The following ZDBF2 variants were observed in gnomAD, a reference collection of about 807,000 sequenced individuals.
ZDBF2 encodes zinc finger DBF-type containing 2, also known as DBF4-type zinc finger-containing protein 2.
In ZDBF2, 6 loss-of-function variants were observed where a neutral mutation model predicts 9.4. The observed-to-expected ratio is 0.64, with a 90% CI of 0.35 to 1.27. The LOEUF is 1.27. Among genes scored for constraint, ZDBF2 ranks in the 50% most tolerant of loss-of-function variants. The pLI is 0.03. For synonymous variants in ZDBF2, 905 were observed against 946.3 expected (o/e 0.96, Z 0.80); for missense variants, 2,697 against 2,766.8 (o/e 0.97, Z 0.57).
At chr2:206,294,416 T>A (rs1256515705) in intron 3 of ZDBF2, among the ~76,000 whole-genome samples, 1 of 152,254 alleles carries the variant, frequency 6.6e-6, no homozygotes, top group Non-Finnish European at 1.5e-5. Flanking sequence ...AATGAAGTTT[T>A]CTATTCACAT....
rs1436779283 is a variant in ZDBF2 at position 206,308,877 on chromosome 2, G to T, written c.4349G>T (p.Cys1450Phe). The T allele has an allele frequency of 3.1e-6, 5 of 1,612,902 alleles. No individual in the cohort carries two copies. Residue 1450 changes from cysteine (C) to phenylalanine (F), a missense_variant, in exon 5 of 5, where the codon TGT (cysteine) becomes TTT (phenylalanine). Physicochemically the swap from Cys to Phe is radical, Grantham distance 205. Transcript: ENST00000374423. The stretch of plus-strand genomic sequence containing the variant: ...CTAGAAAATAAGAACTGTGAAGTCT[G>T]TGGTTCTGAAATAAAATGTCATTCT... ...NDLENKNCEV[C>F]GSEIKCHSCV...
intron 3 of ZDBF2, among the ~76,000 whole-genome samples, chr2:206,293,031 G>C (rs1691979296): frequency 6.6e-6 from 1 of 152,048 alleles, no homozygotes; most frequent in African/African-American, 2.4e-5. Flanking sequence ...TAAGAACAAA[G>C]TGAATAGATG....
intron 3 of ZDBF2, among the ~76,000 whole-genome samples, chr2:206,289,624 C>T (rs945777063): frequency 1.7e-4 from 26 of 152,188 alleles, no homozygotes; most frequent in South Asian, 8.3e-4. Flanking sequence ...GAGCAAAACA[C>T]GTTTCAGCCA....
chr2:206,311,244 A>T lies in ZDBF2; in HGVS notation c.6716A>T (p.Gln2239Leu), dbSNP rs766091264. 3 of 1,610,846 alleles carry T rather than the reference A, an allele frequency of 1.9e-6. No homozygotes were observed. Among genetic ancestry groups the T allele is most frequent in the Non-Finnish European group, 1.7e-6 (2 of 1,178,572 alleles). ...KYSVFLRHRY[Q>L]SRSAFLGRYL... ...TCTGTCTTTTTACGTCATAGATATC[A>T]GTCCAGGAGCGCTTTTCTTGGAAGG... The change falls in exon 5 of 5, where the codon CAG (glutamine) becomes CTG (leucine). Residue 2239 changes from glutamine (Q) to leucine (L), a missense_variant. Around this residue, in one of 3 missense-constraint regions of ZDBF2, gnomAD observed 1,783 missense variants for 1,776.5 expected, o/e 1.00. Transcript: ENST00000374423.
Position 206,307,702 on chromosome 2 carries a change from A to T in ZDBF2, c.3174A>T (p.Leu1058=). 1 of 1,613,532 alleles carries T rather than the reference A, an allele frequency of 6.2e-7. No individual in the cohort carries two copies. Among genetic ancestry groups the T allele is most frequent in the Non-Finnish European group, 8.5e-7 (1 of 1,179,718 alleles). Residue 1058 remains leucine, a synonymous_variant, in exon 5 of 5, where the codon CTA becomes CTT. Coordinates refer to ENST00000374423, the MANE Select transcript of ZDBF2 (RefSeq NM_020923.3). ...AGTCAATGACTGACCAACCTCAACTAGCTTTTTTGAAGGAAAAACATGTTA... is the reference window on the plus strand; with the variant it reads ...AGTCAATGACTGACCAACCTCAACTTGCTTTTTTGAAGGAAAAACATGTTA... The part of the protein sequence containing the change: ...PPQSMTDQPQ[L]AFLKEKHVNL...
chr2:206,277,562 T>C (rs1691083978), intron 1 of ZDBF2, among the ~76,000 whole-genome samples: 1 of 152,014 alleles, frequency 6.6e-6, no homozygotes. Flanking sequence ...AGTACTTAAC[T>C]GGGTATGACA....
Position 206,311,653 on chromosome 2 carries a change from T to C in ZDBF2, c.*60T>C, listed in dbSNP as rs1693202618. The C allele has an allele frequency of 1.5e-6, 2 of 1,378,022 alleles. No homozygotes were observed. The highest frequency in any genetic ancestry group is 4.8e-5 in the South Asian group (2 of 42,038). The allele number at this position is 1,378,022 out of a possible 1,614,324, so 85.4% of individuals were successfully genotyped here. A position where few individuals can be genotyped will look rare whatever the true frequency, so the allele number is the denominator to read the frequency against. ...AGTACTTCAGTTGAAATATATTTGG[T>C]ACTTTGTGCACACAGCTTTCCCAGC... On this transcript the variant is annotated 3_prime_UTR_variant, in exon 5 of 5. Coordinates refer to ENST00000374423, the MANE Select transcript of ZDBF2 (RefSeq NM_020923.3).
In ZDBF2 at chr2:206,305,476, T is replaced by G. The variant is rs376801427; in HGVS notation, c.948T>G (p.Pro316=). 143 of 1,612,992 alleles carry G rather than the reference T, an allele frequency of 8.9e-5. No individual in the cohort carries two copies. In the African/African-American group the frequency reaches 1.6e-3, roughly 18 times the overall value. ...TAAACCCGAATAAAACTGACATGCC[T>G]TCTAATAAAGGAATCTTTGAAGATA... ...LAVNPNKTDM[P]SNKGIFEDTI... is the part of the protein sequence containing the mutation. Residue 316 remains proline, a synonymous_variant, in exon 5 of 5, where the codon CCT becomes CCG. Coordinates refer to ENST00000374423, the MANE Select transcript of ZDBF2 (RefSeq NM_020923.3).
chr2:206,278,091 C>T (rs1312608031), intron 1 of ZDBF2, among the ~76,000 whole-genome samples: 1 of 152,008 alleles, frequency 6.6e-6, no homozygotes, highest in Non-Finnish European at 1.5e-5. Context: ...TGTACTGTAC[C>T]TTCCCATTTT....
intron 3 of ZDBF2, among the ~76,000 whole-genome samples, chr2:206,292,301 CA>C (rs1392525320): frequency 6.6e-6 from 1 of 151,764 alleles, no homozygotes; most frequent in Non-Finnish European, 1.5e-5. Context: ...AATCTCTTAC[CA>C]AAATAGACTA....
At position 206,307,709 on chromosome 2, in the gene ZDBF2, T is replaced by C. The variant is rs1364570080; in HGVS notation, c.3181T>C (p.Leu1061=). Residue 1061 remains leucine, a synonymous_variant, in exon 5 of 5, where the codon TTG becomes CTG. Coordinates refer to ENST00000374423, the MANE Select transcript of ZDBF2 (RefSeq NM_020923.3). ...GACTGACCAACCTCAACTAGCTTTT[T>C]TGAAGGAAAAACATGTTAATCTGAA... ...SMTDQPQLAF[L]KEKHVNLKDK... is the part of the protein sequence containing the mutation. 3.1e-6 allele frequency: 5 copies of C among 1,613,538 alleles called. No homozygotes were observed. Among genetic ancestry groups the C allele is most frequent in the Non-Finnish European group, 4.2e-6 (5 of 1,179,734 alleles).
chr2:206,280,275 G>A (rs1477650112), intron 2 of ZDBF2, among the ~76,000 whole-genome samples: 2 of 152,228 alleles, frequency 1.3e-5, no homozygotes, highest in Non-Finnish European at 2.9e-5. Context: ...AGAGATGACG[G>A]AAGTGGCAGG....
At chr2:206,293,697 G>C (rs1360546242) in intron 3 of ZDBF2, among the ~76,000 whole-genome samples, 1 of 152,096 alleles carries the variant, frequency 6.6e-6, no homozygotes, top group African/African-American at 2.4e-5. Flanking sequence ...ACAGATTAAG[G>C]CCACAGTGAT....
At chr2:206,281,548 C>A (rs765377795) in intron 2 of ZDBF2, among the ~76,000 whole-genome samples, 3 of 152,154 alleles carry the variant, frequency 2.0e-5, no homozygotes, top group African/African-American at 7.2e-5. Context: ...TATCTAATAT[C>A]TCTAATAAGT....
Position 206,305,282 on chromosome 2 carries a change from C to T in ZDBF2, c.754C>T (p.Gln252Ter). Residue 252 changes from glutamine (Q) to a stop codon, truncating the protein, a stop_gained, in exon 5 of 5, where the codon CAG becomes TAG. Transcript: ENST00000374423. LOFTEE classifies it low-confidence loss of function (END_TRUNC). ...TGTAGAAACTACTTCATTTTCGTAT[C>T]AGAAACATAAAGAATCAAATAGGAA... ...SHVETTSFSY[Q>*]KHKESNRKSL... 1 of 1,612,980 alleles carries T rather than the reference C, an allele frequency of 6.2e-7. No homozygotes were observed. Among genetic ancestry groups the T allele is most frequent in the Non-Finnish European group, 8.5e-7 (1 of 1,179,532 alleles).
In ZDBF2 at chr2:206,308,496, T is replaced by G. The variant is rs1224012519; in HGVS notation, c.3968T>G (p.Val1323Gly). 2.5e-6 allele frequency: 4 copies of G among 1,613,176 alleles called. No homozygotes were observed. Among genetic ancestry groups the G allele is most frequent in the Non-Finnish European group, 3.4e-6 (4 of 1,179,726 alleles). The change falls in exon 5 of 5, where the codon GTG (valine) becomes GGG (glycine). Residue 1323 changes from valine to glycine, a missense_variant. Physicochemically the swap from Val to Gly is moderately radical, Grantham distance 109 (BLOSUM62 -3). Transcript: ENST00000374423. ...EHVCLDDKGY[V>G]PSDSEIIYVS... ...GTTTGTCTGGATGATAAGGGCTATG[T>G]GCCCAGTGATTCTGAAATAATTTAT...
At chr2:206,285,746 C>T (rs369491080) in intron 3 of ZDBF2, among the ~76,000 whole-genome samples, 51 of 152,212 alleles carry the variant, frequency 3.4e-4, no homozygotes, top group African/African-American at 1.2e-3. Flanking sequence ...AAAGCATTTC[C>T]CCTGTGTTTT....
Position 206,309,255 on chromosome 2 carries a change from A to C in ZDBF2, c.4727A>C (p.Asp1576Ala), listed in dbSNP as rs755319147. Residue 1576 changes from aspartate (D) to alanine (A), a missense_variant, in exon 5 of 5, where the codon GAC (aspartate) becomes GCC (alanine). Physicochemically the swap from Asp to Ala is moderately radical, Grantham distance 126. This residue lies in a region of ZDBF2 where 1,783 missense variants were observed against 1,776.5 expected (regional missense o/e 1.00). Coordinates refer to ENST00000374423, the MANE Select transcript of ZDBF2 (RefSeq NM_020923.3). The stretch of plus-strand genomic sequence containing the variant: ...ATTGATATAGAAGATAAGAGCTGTG[A>C]CTTTTTTGGTTCTGAAGTCAGATGT... Reference protein sequence around the residue: ...ECIDIEDKSCDFFGSEVRCNC... With the variant: ...ECIDIEDKSCAFFGSEVRCNC... The C allele has an allele frequency of 6.2e-7, 1 of 1,609,836 alleles. No homozygotes were observed. The highest frequency in any genetic ancestry group is 8.5e-7 in the Non-Finnish European group (1 of 1,177,806).
chr2:206,286,948 G>C (rs565577925), intron 3 of ZDBF2, among the ~76,000 whole-genome samples: 1 of 152,228 alleles, frequency 6.6e-6, no homozygotes, highest in South Asian at 2.1e-4. Context: ...TAGTAAGTAG[G>C]TAGTAGATCC....
Sources: allele counts gnomAD v4.1 joint callset (sites outside exome capture counted in the v4.1 genomes callset), GRCh38; gene constraint gnomAD v4.1.1; regional missense constraint gnomAD v4.1.1; transcripts MANE v1.5; gene names NCBI Gene and HGNC (gene_info 2026-07-23, HGNC 2026-07-21).